The following HRG variants were observed in gnomAD, a reference collection of about 807,000 sequenced individuals.
The protein encoded by HRG is histidine-rich glycoprotein.
HRG carries 26 observed loss-of-function variants against 29.5 expected under a neutral mutation model. The ratio of observed to expected loss-of-function variants is 0.88; its 90% confidence interval spans 0.65 to 1.22. HRG has a LOEUF of 1.22. HRG is among the 50% of genes most tolerant of loss of function. The pLI, the probability that HRG is intolerant of heterozygous loss-of-function variation, is 0.00. For missense variants in HRG, 671 were observed against 654.5 expected (o/e 1.03, Z -0.28); for synonymous variants, 243 against 240.4 (o/e 1.01, Z -0.10).
chr3:186,668,189 A>T (rs1008858524), intron 1 of HRG, among the ~76,000 whole-genome samples: 2 of 152,184 alleles, frequency 1.3e-5, no homozygotes, highest in African/African-American at 4.8e-5. Flanking sequence ...GAGCGGGTGG[A>T]TGGGGAGGGG....
In HRG at chr3:186,674,868, G is replaced by GA. The variant is rs1373392072; in HGVS notation, c.640-214dup. The GA allele has an allele frequency of 1.3e-5, 7 of 527,922 alleles. No homozygotes were observed. In the East Asian group the frequency reaches 1.5e-4, roughly 11 times the overall value. 32.7% of individuals were successfully genotyped at this position (527,922 alleles called of 1,614,324 possible). On this transcript the variant is annotated intron_variant, in intron 5 of 6. Coordinates refer to ENST00000232003, the MANE Select transcript of HRG (RefSeq NM_000412.5). ...AAGCCCAGTGCTGGTGCCTGCTCAT[G>GA]AAAAAAACCACAGCAACTTTAGTGA...
In HRG at chr3:186,677,600, G is replaced by T; in HGVS notation, c.1295G>T (p.Gly432Val). 6.2e-7 allele frequency: 1 copy of T among 1,614,096 alleles called. No individual in the cohort carries two copies. Among genetic ancestry groups the T allele is most frequent in the East Asian group, 2.2e-5 (1 of 44,870 alleles). ...CAAGGTCACTGTTGCCATGGCCACG[G>T]CCCACCACCTGGGCACTTAAGAAGG... ...HNQGHCCHGH[G>V]PPPGHLRRRG... The change falls in exon 7 of 7, where the codon GGC becomes GTC. Residue 432 changes from glycine to valine, a missense_variant. Physicochemically the swap from Gly to Val is moderately radical, Grantham distance 109 (BLOSUM62 -3). Transcript: ENST00000232003.
In HRG at chr3:186,666,117, C is replaced by G. The variant is rs756432163; in HGVS notation, c.86C>G (p.Pro29Arg). Residue 29 changes from proline (P) to arginine (R), a missense_variant, in exon 1 of 7, where the codon CCG becomes CGG. Transcript: ENST00000232003. ...VSPTDCSAVE[P>R]EAEKALDLIN... ...CCCACTGACTGCAGTGCTGTTGAGC[C>G]GGAGGCTGAGAAAGCTCTAGACCTG... The G allele has an allele frequency of 6.2e-7, 1 of 1,614,146 alleles. No homozygotes were observed. The highest frequency in any genetic ancestry group is 1.7e-5 in the Admixed American group (1 of 60,028).
At chr3:186,672,592 T>A (rs893178046) in intron 4 of HRG, among the ~76,000 whole-genome samples, 195 bp from the exon 5 acceptor site, 1 of 152,226 alleles carries the variant, frequency 6.6e-6, no homozygotes, top group Non-Finnish European at 1.5e-5. Context: ...TTTGAACCTT[T>A]TCAGTGAACT....
intron 5 of HRG, 149 bp downstream of exon 5, chr3:186,673,016 A>C (rs1718855244): frequency 1.4e-6 from 1 of 703,202 alleles, no homozygotes; most frequent in African/African-American, 1.8e-5. Context: ...AGGAGGAAGA[A>C]ATGTCTGTGA....
intron 4 of HRG, among the ~76,000 whole-genome samples, chr3:186,672,198 A>G (rs933167806): frequency 6.6e-6 from 1 of 152,216 alleles, no homozygotes; most frequent in South Asian, 2.1e-4. Flanking sequence ...TGCTCTCTCT[A>G]CAAGGACCCA....
In HRG at chr3:186,675,048, C is replaced by T. The variant is rs1212617032; in HGVS notation, c.640-41C>T. Reference sequence around the variant, plus strand: ...TAACTCTGGCTGGTCATCTTCACACCACCTGGACACACACACTAACAGCTC... The same window carrying T: ...TAACTCTGGCTGGTCATCTTCACACTACCTGGACACACACACTAACAGCTC... On this transcript the variant is annotated intron_variant, in intron 5 of 6. Transcript: ENST00000232003. 2.2e-6 allele frequency: 3 copies of T among 1,355,050 alleles called. No homozygotes were observed. In the South Asian group the frequency reaches 3.5e-5, roughly 16 times the overall value. 83.9% of individuals were successfully genotyped at this position (1,355,050 alleles called of 1,614,324 possible).
rs1211942227 is a variant in HRG, at chr3:186,677,347, G to A, written c.1042G>A (p.Asp348Asn). 1 of 1,613,922 alleles carries A rather than the reference G, an allele frequency of 6.2e-7. No individual in the cohort carries two copies. Among genetic ancestry groups the A allele is most frequent in the Non-Finnish European group, 8.5e-7 (1 of 1,179,984 alleles). ...QRHSHNNNSSDLHPHKHHSHE... is the reference protein window; with the variant it reads ...QRHSHNNNSSNLHPHKHHSHE... ...ACATTCTCATAATAATAATTCCAGT[G>A]ACCTCCATCCCCATAAGCATCATTC... The change falls in exon 7 of 7, where the codon GAC becomes AAC. Residue 348 changes from aspartate to asparagine, a missense_variant. Physicochemically the swap from Asp to Asn is conservative, Grantham distance 23 (BLOSUM62 1). Coordinates refer to ENST00000232003, the MANE Select transcript of HRG (RefSeq NM_000412.5).
intron 6 of HRG, among the ~76,000 whole-genome samples, chr3:186,676,588 G>A (rs1035114686): frequency 7.3e-5 from 11 of 151,256 alleles, no homozygotes; most frequent in African/African-American, 2.7e-4. Context: ...GGTGAAACCT[G>A]TCTCTACTAA....
chr3:186,666,102 G>A lies in HRG; in HGVS notation c.71G>A (p.Cys24Tyr), dbSNP rs1718597587. ...QYSCAVSPTD[C>Y]SAVEPEAEKA... ...TCGTGTGCCGTGAGTCCCACTGACT[G>A]CAGTGCTGTTGAGCCGGAGGCTGAG... is the stretch of plus-strand genomic sequence containing the variant. The change falls in exon 1 of 7, where the codon TGC becomes TAC. Residue 24 changes from cysteine (C) to tyrosine (Y), a missense_variant. Physicochemically the swap from Cys to Tyr is radical, Grantham distance 194. Coordinates refer to ENST00000232003, the MANE Select transcript of HRG (RefSeq NM_000412.5). The A allele has an allele frequency of 6.2e-7, 1 of 1,614,226 alleles. No homozygotes were observed. Among genetic ancestry groups the A allele is most frequent in the African/African-American group, 1.3e-5 (1 of 75,062 alleles).
At chr3:186,674,970 A>T in intron 5 of HRG, 119 bp from the exon 6 acceptor site, 1 of 766,112 alleles carries the variant, frequency 1.3e-6, no homozygotes, top group Non-Finnish European at 2.4e-6. Flanking sequence ...ATATCTGATC[A>T]TATTACCCTG....
chr3:186,666,167 T>A lies in HRG; in HGVS notation c.136T>A (p.Tyr46Asn), dbSNP rs114054207. Residue 46 changes from tyrosine (Y) to asparagine (N), a missense_variant, in exon 1 of 7, where the codon TAC becomes AAC. Coordinates refer to ENST00000232003, the MANE Select transcript of HRG (RefSeq NM_000412.5). ...GATCAATAAAAGGCGACGGGATGGC[T>A]ACCTTTTCCAATTGCTGCGGATTGC... ...DLINKRRRDGYLFQLLRIADA... is the reference protein window; with the variant it reads ...DLINKRRRDGNLFQLLRIADA... The A allele has an allele frequency of 6.8e-6, 11 of 1,614,188 alleles. No homozygotes were observed. Among genetic ancestry groups the A allele is most frequent in the Non-Finnish European group, 9.3e-6 (11 of 1,180,008 alleles).
At chr3:186,674,648 A>G (rs1382211269) in intron 5 of HRG, 1 of 260,550 alleles carries the variant, frequency 3.8e-6, no homozygotes, top group Non-Finnish European at 7.5e-6. Flanking sequence ...ATGAAAACCC[A>G]TCTTTATGCT....
In HRG at chr3:186,675,138, A is replaced by G; in HGVS notation, c.689A>G (p.Asp230Gly). Residue 230 changes from aspartate (D) to glycine (G), a missense_variant, in exon 6 of 7, where the codon GAC becomes GGC. Transcript: ENST00000232003. ...ADLFYDVEAL[D>G]LESPKNLVIN... The stretch of plus-strand genomic sequence containing the variant: ...TTGTTCTATGATGTAGAAGCCTTGG[A>G]CTTGGAAAGCCCGAAAAACCTTGTC... 1 of 1,613,958 alleles carries G rather than the reference A, an allele frequency of 6.2e-7. No homozygotes were observed. The highest frequency in any genetic ancestry group is 8.5e-7 in the Non-Finnish European group (1 of 1,179,884).
In HRG at chr3:186,678,217, A is replaced by C. The variant is rs1271640884; in HGVS notation, c.*334A>C. 6.3e-6 allele frequency: 2 copies of C among 319,304 alleles called. No homozygotes were observed. The highest frequency in any genetic ancestry group is 1.2e-5 in the Non-Finnish European group (2 of 169,064). The allele number at this position is 319,304 out of a possible 1,614,324, so 19.8% of individuals were successfully genotyped here. On this transcript the variant is annotated 3_prime_UTR_variant, in exon 7 of 7. Coordinates refer to ENST00000232003, the MANE Select transcript of HRG (RefSeq NM_000412.5). ...GGGCTATACCTGGGCATACTAATAA[A>C]GTATGGTATTGAAACTATTGTTATC...
rs756344310 is a variant in HRG, at chr3:186,672,878, G to A, written c.639+11G>A. The A allele has an allele frequency of 1.9e-6, 3 of 1,563,698 alleles. No individual in the cohort carries two copies. Among genetic ancestry groups the A allele is most frequent in the Admixed American group, 1.7e-5 (1 of 59,932 alleles). ...CCCAGACACCCCAATGTGAGTATAA[G>A]AAATGTCTGTGATCGTTGACTAGAG... On this transcript the variant is annotated intron_variant, in intron 5 of 6. Coordinates refer to ENST00000232003, the MANE Select transcript of HRG (RefSeq NM_000412.5).
At chr3:186,674,558 C>A in intron 5 of HRG, 1 of 211,476 alleles carries the variant, frequency 4.7e-6, no homozygotes, top group Non-Finnish European at 9.6e-6. Context: ...GGTTTAGGAG[C>A]ATCTGGAGCA....
chr3:186,671,842 GCA>G, intron 4 of HRG, 53 bp downstream of exon 4: 1 of 1,528,658 alleles, frequency 6.5e-7, no homozygotes, highest in Non-Finnish European at 9.1e-7. Flanking sequence ...CTCCAACCTG[GCA>G]GCAGGAACTG....
chr3:186,669,516 A>G, intron 2 of HRG: 1 of 352,514 alleles, frequency 2.8e-6, no homozygotes. Flanking sequence ...CACCTAGGAT[A>G]TACACTGAGG....
Sources: allele counts gnomAD v4.1 joint callset (sites outside exome capture counted in the v4.1 genomes callset), GRCh38; gene constraint gnomAD v4.1.1; transcripts MANE v1.5; gene names NCBI Gene and HGNC (gene_info 2026-07-23, HGNC 2026-07-21).